RNF157: variants seen among roughly 807,000 people sequenced by gnomAD.
The protein encoded by RNF157 is ring finger protein 157.
RNF157 carries 55 observed loss-of-function variants against 88.3 expected under a neutral mutation model. That is an observed-to-expected ratio of 0.62 (90% CI 0.50 to 0.78). The LOEUF (loss-of-function observed/expected upper bound fraction) is 0.78, where lower values mean the gene tolerates loss of function less well. RNF157 is among the 30% of genes least tolerant of loss of function. The pLI is 0.00. For missense variants in RNF157, 788 were observed against 860.8 expected, an observed-to-expected ratio of 0.92 and a Z score of 1.06; for synonymous variants, 334 against 341.2, an observed-to-expected ratio of 0.98 and a Z score of 0.23.
intron 6 of RNF157, among the ~76,000 whole-genome samples, chr17:76,166,195 G>C (rs573475275): frequency 6.6e-6 from 1 of 151,976 alleles, no homozygotes; most frequent in Admixed American, 6.6e-5. Flanking sequence ...GGCTGGTCTC[G>C]AACTCCTGAC....
chr17:76,218,066 C>T (rs1032449591), intron 1 of RNF157, among the ~76,000 whole-genome samples: 11 of 151,838 alleles, frequency 7.2e-5, no homozygotes, highest in African/African-American at 2.2e-4. Context: ...TTAAATTTAA[C>T]GTTATGTGTT....
chr17:76,145,233 G>A lies in RNF157; in HGVS notation c.*2C>T, dbSNP rs1463689417. 21 of 1,592,638 alleles carry A rather than the reference G, an allele frequency of 1.3e-5. No individual in the cohort carries two copies. Among genetic ancestry groups the A allele is most frequent in the Non-Finnish European group, 1.8e-5 (21 of 1,165,192 alleles). ...GGGGAGCCCAAGTGCAGAGGCTGGG[G>A]CTCAGACAGCCAAAGGGCCCCACAC... On this transcript the variant is annotated 3_prime_UTR_variant, in exon 19 of 19. Transcript: ENST00000269391.
intron 5 of RNF157, 98 bp downstream of exon 5, chr17:76,166,911 C>CA: frequency 1.3e-6 from 1 of 754,384 alleles, no homozygotes; most frequent in Non-Finnish European, 2.2e-6. Flanking sequence ...GCATGGCCTT[C>CA]AAGCATCCGA....
At chr17:76,231,977 T>G (rs1046417130) in intron 1 of RNF157, among the ~76,000 whole-genome samples, 1 of 152,354 alleles carries the variant, frequency 6.6e-6, no homozygotes, top group Non-Finnish European at 1.5e-5. Flanking sequence ...AGCCATTTCA[T>G]ATAAACAAAC....
chr17:76,228,619 T>C (rs978278103), intron 1 of RNF157, among the ~76,000 whole-genome samples: 2 of 152,160 alleles, frequency 1.3e-5, no homozygotes, highest in Non-Finnish European at 2.9e-5. Flanking sequence ...CCATCTGCCA[T>C]GTCTTACTAA....
rs1421534927 is a variant in RNF157, at chr17:76,161,923, G to A, written c.872C>T (p.Pro291Leu). ...GTTACAGAGGCAGAGGTGGCGACAGGGCAGAATCAAGGTGTCCCGGACATC... is the reference window on the plus strand; with the variant it reads ...GTTACAGAGGCAGAGGTGGCGACAGAGCAGAATCAAGGTGTCCCGGACATC... ...LSDVRDTLIL[P>L]CRHLCLCNTC... is the part of the protein sequence containing the mutation. The change falls in exon 10 of 19, where the codon CCC (proline) becomes CTC (leucine). Residue 291 changes from proline to leucine, a missense_variant. Coordinates refer to ENST00000269391, the MANE Select transcript of RNF157 (RefSeq NM_052916.3). The surrounding 1 kb of genome is among the most constrained non-coding windows in gnomAD (Gnocchi z 4.6). 1 of 1,614,162 alleles carries A rather than the reference G, an allele frequency of 6.2e-7. No homozygotes were observed. Among genetic ancestry groups the A allele is most frequent in the South Asian group, 1.1e-5 (1 of 91,092 alleles).
chr17:76,151,480 A>G (rs1390661636), intron 18 of RNF157, among the ~76,000 whole-genome samples: 6 of 152,188 alleles, frequency 3.9e-5, no homozygotes. Context: ...CTGAAGCTGA[A>G]GTGAGTCTTC....
At chr17:76,162,149 T>C (rs1447592351) in intron 9 of RNF157, 147 bp from the exon 10 acceptor site, 11 of 773,002 alleles carry the variant, frequency 1.4e-5, no homozygotes, top group East Asian at 2.7e-5. Context: ...ATTTTCCCAG[T>C]GCGTCCACAC....
rs1466831424 is a variant in RNF157, at chr17:76,144,735, T to A, written c.*500A>T. 1 of 152,698 alleles carries A rather than the reference T, an allele frequency of 6.5e-6. No homozygotes were observed. The highest frequency in any genetic ancestry group is 1.5e-5 in the Non-Finnish European group (1 of 68,386). The allele number at this position is 152,698 out of a possible 1,614,324, so 9.5% of individuals were successfully genotyped here. A position where few individuals can be genotyped will look rare whatever the true frequency, so the allele number is the denominator to read the frequency against. On this transcript the variant is annotated 3_prime_UTR_variant, in exon 19 of 19. Transcript: ENST00000269391. ...TTCTTGTCCTTGAGAAAGGTGCTCC[T>A]AGTGCTTGTAGAGGGAAACGCTACG... is the stretch of plus-strand genomic sequence containing the variant.
At position 76,144,200 on chromosome 17, in the gene RNF157, ATG is replaced by A. The variant is rs1428455073; in HGVS notation, c.*1033_*1034del. 1.3e-5 allele frequency: 2 copies of A among 152,104 alleles called. No individual in the cohort carries two copies. Among genetic ancestry groups the A allele is most frequent in the African/African-American group, 2.4e-5 (1 of 41,408 alleles). 9.4% of individuals were successfully genotyped at this position (152,104 alleles called of 1,614,324 possible). ...CTTGGCACACAGAGGTGGTCAACACATGTGTTTCTTGAAATGTCACCTTAGGA... is the reference window on the plus strand; with the variant it reads ...CTTGGCACACAGAGGTGGTCAACACATGTTTCTTGAAATGTCACCTTAGGA... On this transcript the variant is annotated 3_prime_UTR_variant, in exon 19 of 19. Transcript: ENST00000269391.
chr17:76,185,601 C>T (rs1387468189), intron 2 of RNF157, among the ~76,000 whole-genome samples: 1 of 151,704 alleles, frequency 6.6e-6, no homozygotes, highest in Non-Finnish European at 1.5e-5. Context: ...TCCCGAGTAG[C>T]TGGGACTACA....
At chr17:76,213,709 A>T (rs573736198) in intron 1 of RNF157, among the ~76,000 whole-genome samples, 1 of 152,154 alleles carries the variant, frequency 6.6e-6, no homozygotes, top group East Asian at 1.9e-4. Context: ...AAGAAAAGGC[A>T]GGATTAGAGG....
At position 76,167,020 on chromosome 17, in the gene RNF157, C is replaced by T. The variant is rs2068937278; in HGVS notation, c.550G>A (p.Ala184Thr). 1 of 1,607,414 alleles carries T rather than the reference C, an allele frequency of 6.2e-7. No homozygotes were observed. Among genetic ancestry groups the T allele is most frequent in the African/African-American group, 1.3e-5 (1 of 74,908 alleles). Residue 184 changes from alanine to threonine, a missense_variant, in exon 5 of 19, where the codon GCC (alanine) becomes ACC (threonine). Physicochemically the swap from Ala to Thr is moderately conservative, Grantham distance 58. Transcript: ENST00000269391. ...PSHTVDPSEW[A>T]EEELGFDLDR... ...CAGAGGCAGCTCACCTCCTCTTCGGCCCACTCGGAGGGATCCACGGTGTGG... is the reference window on the plus strand; with the variant it reads ...CAGAGGCAGCTCACCTCCTCTTCGGTCCACTCGGAGGGATCCACGGTGTGG...
rs544934170 is a variant in RNF157, at chr17:76,195,419, A to G, written c.207+16945T>C. Among the ~76,000 whole-genome samples the G allele has an allele frequency of 2.1e-4, 32 of 152,274 alleles. No homozygotes were observed. Among genetic ancestry groups the G allele is most frequent in the African/African-American group, 6.7e-4 (28 of 41,558 alleles). On this transcript the variant is annotated intron_variant, in intron 2 of 18. Coordinates refer to ENST00000269391, the MANE Select transcript of RNF157 (RefSeq NM_052916.3). The surrounding 1 kb of genome is among the most constrained non-coding windows in gnomAD (Gnocchi z 4.4). ...GAAAATACTAGGTGCTGGACATTCT[A>G]AACACTGCTAGTGGGAAAAAAAAAT...
chr17:76,240,294 G>C lies in RNF157; in HGVS notation c.-54C>G, dbSNP rs1482175837. The stretch of plus-strand genomic sequence containing the variant: ...CCCCGGTGCCCGCGCCGCCCTCCGC[G>C]CTTCACCGCGGCCGCCCGCCCCGCG... On this transcript the variant is annotated 5_prime_UTR_variant, in exon 1 of 19. Coordinates refer to ENST00000269391, the MANE Select transcript of RNF157 (RefSeq NM_052916.3). This position sits in a 1 kb window ranked among gnomAD's most constrained non-coding sequence, Gnocchi z 4.4. The C allele has an allele frequency of 1.1e-6, 1 of 911,288 alleles. No homozygotes were observed. The highest frequency in any genetic ancestry group is 1.0e-4 in the East Asian group (1 of 9,792). The allele number at this position is 911,288 out of a possible 1,614,324, so 56.5% of individuals were successfully genotyped here.
Position 76,195,212 on chromosome 17 carries a change from A to C in RNF157, c.207+17152T>G, listed in dbSNP as rs1456659995. Among the ~76,000 whole-genome samples, 1 of 152,014 alleles carries C rather than the reference A, an allele frequency of 6.6e-6. No homozygotes were observed. The highest frequency in any genetic ancestry group is 1.9e-4 in the East Asian group (1 of 5,180). ...AAATGGAGGTGTAGGTCCTCCTACAAGCGGGGTAGAGCAAGGCTGGAAACA... is the reference window on the plus strand; with the variant it reads ...AAATGGAGGTGTAGGTCCTCCTACACGCGGGGTAGAGCAAGGCTGGAAACA... On this transcript the variant is annotated intron_variant, in intron 2 of 18. Coordinates refer to ENST00000269391, the MANE Select transcript of RNF157 (RefSeq NM_052916.3). The surrounding 1 kb of genome is among the most constrained non-coding windows in gnomAD (Gnocchi z 4.4).
rs746435667 is a variant in RNF157, at chr17:76,158,427, A to C, written c.1379T>G (p.Leu460Arg). The C allele has an allele frequency of 6.2e-6, 10 of 1,613,564 alleles. No homozygotes were observed. Among genetic ancestry groups the C allele is most frequent in the Non-Finnish European group, 7.6e-6 (9 of 1,179,738 alleles). Residue 460 changes from leucine (L) to arginine (R), a missense_variant, in exon 13 of 19, where the codon CTC becomes CGC. Physicochemically the swap from Leu to Arg is moderately radical, Grantham distance 102. Transcript: ENST00000269391. ...ATGCTGAACCGACGGTCTCTGAGAG[A>C]GCTGTGTCTCCGACTCGCTGCAGGA... Reference protein sequence around the residue: ...EHSCSESETQLSQRPSVQHLG... With the variant: ...EHSCSESETQRSQRPSVQHLG...
chr17:76,226,682 T>C, intron 1 of RNF157: 3 of 1,612,154 alleles, frequency 1.9e-6, no homozygotes, highest in Non-Finnish European at 2.5e-6. Flanking sequence ...TTTGAAGTGC[T>C]TGGCCACCTC....
intron 17 of RNF157, 116 bp downstream of exon 17, chr17:76,154,167 C>A: frequency 2.6e-6 from 2 of 761,064 alleles, no homozygotes; most frequent in South Asian, 3.0e-5. Context: ...CCTCTAACAG[C>A]CCCATACAAC....
Sources: gnomAD v4.1 joint callset for allele counts (sites outside exome capture counted in the v4.1 genomes callset) on GRCh38, gnomAD v4.1.1 for gene constraint, Gnocchi (gnomAD v3.1) non-coding constraint, MANE v1.5 for transcripts, NCBI Gene and HGNC (gene_info 2026-07-23, HGNC 2026-07-21) for gene names.